ZNF490: variants seen among roughly 807,000 people sequenced by gnomAD.
ZNF490 encodes the protein zinc finger protein 490.
ZNF490 carries 11 observed loss-of-function variants against 17.7 expected under a neutral mutation model. That is an observed-to-expected ratio of 0.62 (90% CI 0.39 to 1.03). The LOEUF is 1.03. Ranked by LOEUF, ZNF490 falls within the 50% of genes least tolerant of loss-of-function variation. The probability of loss-of-function intolerance (pLI) is 0.00; values close to 1 mark genes in which losing one functional copy is unlikely to be tolerated. For missense variants in ZNF490, 542 were observed against 643.4 expected, an observed-to-expected ratio of 0.84 and a Z score of 1.71; for synonymous variants, 222 against 216.1, an observed-to-expected ratio of 1.03 and a Z score of -0.24.
rs199949442 is a variant in ZNF490 at position 12,581,225 on chromosome 19, C to T, written c.850G>A (p.Gly284Arg). 4 of 1,614,012 alleles carry T rather than the reference C, an allele frequency of 2.5e-6. No individual in the cohort carries two copies. Among genetic ancestry groups the T allele is most frequent in the Non-Finnish European group, 2.5e-6 (3 of 1,179,974 alleles). Residue 284 changes from glycine (G) to arginine (R), a missense_variant, in exon 5 of 5, where the codon GGA (glycine) becomes AGA (arginine). Gly to Arg is a moderately radical substitution (Grantham distance 125). Transcript: ENST00000311437. ...GGCTGGTAATATATAAAGGCTTTTC[C>T]ACACTGTTTACATTTGTAGGGTTTC... ...GEKPYKCKQC[G>R]KAFIYYQPFL...
chr19:12,610,706 G>T lies in ZNF490; in HGVS notation c.-26C>A. 6.2e-7 allele frequency: 1 copy of T among 1,603,838 alleles called. No homozygotes were observed. On this transcript the variant is annotated 5_prime_UTR_variant, in exon 1 of 5. Coordinates refer to ENST00000311437, the MANE Select transcript of ZNF490 (RefSeq NM_020714.3). ...CCCTGTCCCCGCATCCAGAAACACT[G>T]CAGGAAGACTTCCGTGTCCGACCCG...
intron 2 of ZNF490, among the ~76,000 whole-genome samples, chr19:12,603,193 A>C (rs889645556): frequency 6.6e-6 from 1 of 152,130 alleles, no homozygotes; most frequent in African/African-American, 2.4e-5. Context: ...GACTAGAGCA[A>C]TTGGAGTATC....
rs1294929047 is a variant in ZNF490 at position 12,584,755 on chromosome 19, A to G, written c.163-1199T>C. Among the ~76,000 whole-genome samples the G allele has an allele frequency of 3.2e-5, 3 of 94,578 alleles. 1 individual carries two copies. The highest frequency in any genetic ancestry group is 8.5e-5 in the Non-Finnish European group (3 of 35,088). The allele number at this position is 94,578 out of a possible 152,430, so 62.0% of individuals were successfully genotyped here. On this transcript the variant is annotated intron_variant, in intron 2 of 4. Transcript: ENST00000311437. ...GAGATCAGGAAGTCTGTGAAAAGCC[A>G]GAAGTCACTGGCCATGTTGCCCTGA...
At chr19:12,583,874 A>G (rs1244393214) in intron 2 of ZNF490, among the ~76,000 whole-genome samples, 3 of 142,040 alleles carry the variant, frequency 2.1e-5, no homozygotes, top group South Asian at 2.2e-4. Context: ...GCAGTGGCAC[A>G]ATGTCGGCTC....
chr19:12,580,138 C>T lies in ZNF490; in HGVS notation c.*347G>A. The stretch of plus-strand genomic sequence containing the variant: ...AAACAAAAACAAAAAACAAACCCCA[C>T]AAAAGATGGGATGGATATAGAATTT... On this transcript the variant is annotated 3_prime_UTR_variant, in exon 5 of 5. Coordinates refer to ENST00000311437, the MANE Select transcript of ZNF490 (RefSeq NM_020714.3). 9.8e-7 allele frequency: 1 copy of T among 1,024,188 alleles called. No individual in the cohort carries two copies. The allele number at this position is 1,024,188 out of a possible 1,614,324, so 63.4% of individuals were successfully genotyped here.
chr19:12,607,583 C>T (rs949120977), intron 2 of ZNF490, among the ~76,000 whole-genome samples: 2 of 151,862 alleles, frequency 1.3e-5, no homozygotes, highest in African/African-American at 4.8e-5. Context: ...ATGTGTGCCA[C>T]CACATATACT....
chr19:12,605,937 G>A (rs1012813134), intron 2 of ZNF490, among the ~76,000 whole-genome samples: 1 of 151,480 alleles, frequency 6.6e-6, no homozygotes, highest in Non-Finnish European at 1.5e-5. Context: ...CCAGGCTGGC[G>A]TGCAATGATC....
chr19:12,584,219 C>CT lies in ZNF490; in HGVS notation c.163-664_163-663insA, dbSNP rs1345606505. On this transcript the variant is annotated intron_variant, in intron 2 of 4. Coordinates refer to ENST00000311437, the MANE Select transcript of ZNF490 (RefSeq NM_020714.3). ...TTGCTCAGGCTGGAGTGCAATGGTG[C>CT]GATCTTGGCTCACTGCAACCTCCTC... Among the ~76,000 whole-genome samples the CT allele has an allele frequency of 2.2e-5, 2 of 90,186 alleles. 1 individual carries two copies. Among genetic ancestry groups the CT allele is most frequent in the East Asian group, 4.2e-4 (2 of 4,784 alleles). 59.2% of individuals were successfully genotyped at this position (90,186 alleles called of 152,430 possible). A position where few individuals can be genotyped will look rare whatever the true frequency, so the allele number is the denominator to read the frequency against.
intron 2 of ZNF490, among the ~76,000 whole-genome samples, chr19:12,596,048 T>TG (rs1220013178): frequency 6.6e-6 from 1 of 152,070 alleles, no homozygotes; most frequent in Non-Finnish European, 1.5e-5. Flanking sequence ...GCAGATCACT[T>TG]GAGGCCAGGA....
chr19:12,601,345 G>A (rs1274157273), intron 2 of ZNF490, among the ~76,000 whole-genome samples: 9 of 151,306 alleles, frequency 5.9e-5, no homozygotes, highest in Admixed American at 2.6e-4. Flanking sequence ...CCGATATTGC[G>A]CCATTGCACT....
chr19:12,580,423 A>C lies in ZNF490; in HGVS notation c.*62T>G. On this transcript the variant is annotated 3_prime_UTR_variant, in exon 5 of 5. Coordinates refer to ENST00000311437, the MANE Select transcript of ZNF490 (RefSeq NM_020714.3). ...CATTCCTTGAATTTCTCTCCAGCGT[A>C]AGTACTCTCATACATCCAAAAGGAA... 3 of 1,515,224 alleles carry C rather than the reference A, an allele frequency of 2.0e-6. No homozygotes were observed. The South Asian group carries it at 4.1e-5, about 21-fold the overall frequency. 93.9% of individuals were successfully genotyped at this position (1,515,224 alleles called of 1,614,324 possible). A position where few individuals can be genotyped will look rare whatever the true frequency, so the allele number is the denominator to read the frequency against.
chr19:12,583,924 T>C (rs986591748), intron 2 of ZNF490, among the ~76,000 whole-genome samples: 3 of 150,262 alleles, frequency 2.0e-5, no homozygotes, highest in Non-Finnish European at 3.0e-5. Context: ...CATTCTCCTG[T>C]CTCAGCCTCC....
intron 1 of ZNF490, chr19:12,609,973 A>G (rs1286117360): frequency 2.2e-6 from 1 of 447,422 alleles, no homozygotes; most frequent in East Asian, 7.0e-5. Context: ...GTAACCATAA[A>G]TCTACAAAAA....
Position 12,578,417 on chromosome 19 carries a change from G to T in ZNF490, c.*2068C>A. On this transcript the variant is annotated 3_prime_UTR_variant, in exon 5 of 5. Coordinates refer to ENST00000311437, the MANE Select transcript of ZNF490 (RefSeq NM_020714.3). ...TGTGGTCAAGGGGTGTGTGTCCCAT[G>T]ATACAGGCTCTGCTTCTTCAGTCTC... 3 of 985,514 alleles carry T rather than the reference G, an allele frequency of 3.0e-6. No homozygotes were observed. Among genetic ancestry groups the T allele is most frequent in the Non-Finnish European group, 3.6e-6 (3 of 829,982 alleles). 61.0% of individuals were successfully genotyped at this position (985,514 alleles called of 1,614,324 possible). A position where few individuals can be genotyped will look rare whatever the true frequency, so the allele number is the denominator to read the frequency against.
chr19:12,605,868 G>A (rs1047272277), intron 2 of ZNF490, among the ~76,000 whole-genome samples: 2 of 151,774 alleles, frequency 1.3e-5, no homozygotes, highest in African/African-American at 4.8e-5. Context: ...TGAGACCCTC[G>A]AATAGGATTT....
At position 12,602,146 on chromosome 19, in the gene ZNF490, G is replaced by A. The variant is rs185294202; in HGVS notation, c.162+7012C>T. Among the ~76,000 whole-genome samples the A allele has an allele frequency of 9.1e-5, 13 of 142,114 alleles. No individual in the cohort carries two copies. The Admixed American group carries it at 9.3e-4, about 10-fold the overall frequency. The allele number at this position is 142,114 out of a possible 152,430, so 93.2% of individuals were successfully genotyped here. ...CACACACATATATGGGCCTATTTCTGGAATTTCAATTTCATGCCATTGATC... is the reference window on the plus strand; with the variant it reads ...CACACACATATATGGGCCTATTTCTAGAATTTCAATTTCATGCCATTGATC... On this transcript the variant is annotated intron_variant, in intron 2 of 4. Transcript: ENST00000311437.
Position 12,610,589 on chromosome 19 carries a change from C to G in ZNF490, c.92G>C (p.Gly31Ala). The change falls in exon 1 of 5, where the codon GGA (glycine) becomes GCA (alanine). Residue 31 changes from glycine to alanine, a missense_variant. Transcript: ENST00000311437. ...SKWSSSQGRT[G>A]TGGSDVLQMQ... Reference sequence around the variant, plus strand: ...CTGGAGGACATCAGACCCTCCTGTTCCTGTGCGGCCTTGACTAGACGACCA... The same window carrying G: ...CTGGAGGACATCAGACCCTCCTGTTGCTGTGCGGCCTTGACTAGACGACCA... The G allele has an allele frequency of 6.2e-7, 1 of 1,614,004 alleles. No individual in the cohort carries two copies. Among genetic ancestry groups the G allele is most frequent in the Middle Eastern group, 1.6e-4 (1 of 6,062 alleles).
chr19:12,610,440 G>T, intron 1 of ZNF490, 124 bp downstream of exon 1: 1 of 849,728 alleles, frequency 1.2e-6, no homozygotes, highest in Non-Finnish European at 1.9e-6. Context: ...CCTCAACGCT[G>T]TTATGGTCAA....
intron 2 of ZNF490, among the ~76,000 whole-genome samples, chr19:12,600,834 T>C (rs936553395): frequency 2.6e-5 from 4 of 152,198 alleles, no homozygotes; most frequent in African/African-American, 9.6e-5. Flanking sequence ...TTCAGGACTC[T>C]TGTCCTAGCA....
Sources: allele counts gnomAD v4.1 joint callset (sites outside exome capture counted in the v4.1 genomes callset), GRCh38; gene constraint gnomAD v4.1.1; transcripts MANE v1.5; gene names NCBI Gene and HGNC (gene_info 2026-07-23, HGNC 2026-07-21).